The following PPP4R3B variants were observed in gnomAD, a reference collection of about 807,000 sequenced individuals.
PPP4R3B encodes protein phosphatase 4 regulatory subunit 3B, also known as serine/threonine-protein phosphatase 4 regulatory subunit 3B.
A neutral mutation model predicts 95.4 loss-of-function variants in PPP4R3B; 52 were observed. The observed-to-expected ratio is 0.54, with a 90% CI of 0.44 to 0.69. PPP4R3B has a LOEUF of 0.69. Ranked by LOEUF, PPP4R3B falls within the 30% of genes least tolerant of loss-of-function variation. The pLI, the probability that PPP4R3B is intolerant of heterozygous loss-of-function variation, is 0.00. For synonymous variants in PPP4R3B, 407 were observed against 343.9 expected (o/e 1.18, Z -2.03); for missense variants, 1,003 against 1,005.9 (o/e 1.00, Z 0.04).
At chr2:55,606,232 C>T (rs1386055379) in intron 2 of PPP4R3B, among the ~76,000 whole-genome samples, 1 of 152,024 alleles carries the variant, frequency 6.6e-6, no homozygotes, top group African/African-American at 2.4e-5. Flanking sequence ...CATTATAAAA[C>T]ACATGCTAAA....
intron 15 of PPP4R3B, 120 bp from the exon 16 acceptor site, chr2:55,559,088 C>T: frequency 1.3e-6 from 1 of 760,110 alleles, no homozygotes; most frequent in Non-Finnish European, 2.0e-6. Flanking sequence ...TGGCTCACGC[C>T]TGTAATCCCA....
At chr2:55,573,875 T>G (rs1405049498) in intron 11 of PPP4R3B, 98 bp from the exon 12 acceptor site, 10 of 605,902 alleles carry the variant, frequency 1.7e-5, no homozygotes, top group Non-Finnish European at 2.0e-5. Context: ...AAATCTAAAC[T>G]GTATTTCCTC....
At chr2:55,579,171 C>T (rs1010840193) in intron 9 of PPP4R3B, among the ~76,000 whole-genome samples, 2 of 151,678 alleles carry the variant, frequency 1.3e-5, no homozygotes, top group Non-Finnish European at 2.9e-5. Context: ...TTACGGGTGC[C>T]GATTACATAA....
chr2:55,608,240 G>C (rs780486595), intron 2 of PPP4R3B, among the ~76,000 whole-genome samples: 4 of 152,168 alleles, frequency 2.6e-5, no homozygotes, highest in Non-Finnish European at 4.4e-5. Flanking sequence ...CCCGACCTCA[G>C]GTGATCTGCC....
chr2:55,564,556 C>G (rs1484622979), intron 14 of PPP4R3B, 59 bp from the exon 15 acceptor site: 8 of 1,441,022 alleles, frequency 5.6e-6, no homozygotes, highest in East Asian at 4.8e-5. Flanking sequence ...TCAGATTGAA[C>G]TGAAGGAAAA....
intron 2 of PPP4R3B, among the ~76,000 whole-genome samples, chr2:55,610,366 AC>A (rs1693998796): frequency 6.6e-6 from 1 of 152,142 alleles, no homozygotes; most frequent in Admixed American, 6.5e-5. Flanking sequence ...CTACTCAAGA[AC>A]CTGTAATGTC....
intron 1 of PPP4R3B, 55 bp downstream of exon 1, chr2:55,617,089 A>G (rs1331535601): frequency 1.3e-6 from 2 of 1,532,170 alleles, no homozygotes; most frequent in East Asian, 4.6e-5. Context: ...CCTAAACCCA[A>G]GCTGTGCCCC....
chr2:55,607,786 G>A (rs1693625259), intron 2 of PPP4R3B, among the ~76,000 whole-genome samples: 1 of 152,092 alleles, frequency 6.6e-6, no homozygotes, highest in Non-Finnish European at 1.5e-5. Context: ...ACCATGCCTT[G>A]GTCCTTCTGG....
At chr2:55,578,490 G>A in intron 9 of PPP4R3B, 148 bp from the exon 10 acceptor site, 1 of 841,446 alleles carries the variant, frequency 1.2e-6, no homozygotes, top group Non-Finnish European at 1.6e-6. Context: ...TATATAAATG[G>A]AACCATTCTG....
chr2:55,570,544 C>A (rs1235084246), intron 12 of PPP4R3B, among the ~76,000 whole-genome samples: 1 of 152,116 alleles, frequency 6.6e-6, no homozygotes, highest in African/African-American at 2.4e-5. Flanking sequence ...AATTTCAATC[C>A]TTTATTTTTA....
rs1307227652 is a variant in PPP4R3B at position 55,547,929 on chromosome 2, G to A, written c.*1982C>T. 1 of 152,090 alleles carries A rather than the reference G, an allele frequency of 6.6e-6. No individual in the cohort carries two copies. The highest frequency in any genetic ancestry group is 1.5e-5 in the Non-Finnish European group (1 of 67,986). The allele number at this position is 152,090 out of a possible 1,614,324, so 9.4% of individuals were successfully genotyped here. ...CGAGACTCAAACAAACAAACAAAAA[G>A]TAACTAGGAAAGTGTTTTACATGTG... On this transcript the variant is annotated 3_prime_UTR_variant, in exon 17 of 17. Coordinates refer to ENST00000616407, the MANE Select transcript of PPP4R3B (RefSeq NM_001122964.3).
At chr2:55,588,851 CTTT>C (rs909905257) in intron 5 of PPP4R3B, 25 bp downstream of exon 5, 3 of 1,515,586 alleles carry the variant, frequency 2.0e-6, no homozygotes, top group Non-Finnish European at 2.7e-6. Flanking sequence ...AATAAGTGCT[CTTT>C]AAGAGTTTGA....
chr2:55,597,179 T>A lies in PPP4R3B; in HGVS notation c.921+1237A>T, dbSNP rs191226265. 2.8e-3 allele frequency among the ~76,000 whole-genome samples: 424 copies of A among 152,100 alleles called. 2 individuals carry two copies. Among genetic ancestry groups the A allele is most frequent in the Non-Finnish European group, 3.8e-3 (256 of 67,994 alleles). On this transcript the variant is annotated intron_variant, in intron 4 of 16. Transcript: ENST00000616407. ...TGCAAATATACTTAATGCCAATGAA[T>A]TGTACACTTAAAAATTGTTGAAACT...
intron 4 of PPP4R3B, chr2:55,591,594 C>A (rs1286966698): frequency 1.0e-6 from 1 of 983,280 alleles, no homozygotes; most frequent in Non-Finnish European, 1.2e-6. Context: ...TTAATTTTTT[C>A]AAAATATTTT....
At chr2:55,604,697 C>T (rs1693133026) in intron 2 of PPP4R3B, among the ~76,000 whole-genome samples, 1 of 151,968 alleles carries the variant, frequency 6.6e-6, no homozygotes. Flanking sequence ...CCTAGAATGT[C>T]TTCAATTATA....
Position 55,564,370 on chromosome 2 carries a change from G to C in PPP4R3B, c.2203C>G (p.Pro735Ala), listed in dbSNP as rs1474310917. Reference protein sequence around the residue: ...GKAVVAPVEKPKPEDDFPDNY... With the variant: ...GKAVVAPVEKAKPEDDFPDNY... Reference sequence around the variant, plus strand: ...TCTGGAAAATCATCTTCTGGCTTAGGTTTTTCCACTGGTGCCACAACTGCT... The same window carrying C: ...TCTGGAAAATCATCTTCTGGCTTAGCTTTTTCCACTGGTGCCACAACTGCT... The change falls in exon 15 of 17, where the codon CCT (proline) becomes GCT (alanine). Residue 735 changes from proline to alanine, a missense_variant. By Grantham distance (27) the Pro-to-Ala change is conservative. This residue lies in a region of PPP4R3B where 229 missense variants were observed against 194.7 expected (regional missense o/e 1.18). Coordinates refer to ENST00000616407, the MANE Select transcript of PPP4R3B (RefSeq NM_001122964.3). 3.1e-6 allele frequency: 5 copies of C among 1,613,574 alleles called. No individual in the cohort carries two copies. The highest frequency in any genetic ancestry group is 1.3e-5 in the African/African-American group (1 of 74,864).
intron 3 of PPP4R3B, among the ~76,000 whole-genome samples, chr2:55,603,457 T>C (rs1692932727): frequency 6.6e-6 from 1 of 152,188 alleles, no homozygotes; most frequent in Non-Finnish European, 1.5e-5. Context: ...GCATTATAGT[T>C]ATATTTTCTG....
chr2:55,611,814 G>A (rs1044560141), intron 2 of PPP4R3B, among the ~76,000 whole-genome samples: 3 of 151,578 alleles, frequency 2.0e-5, no homozygotes, highest in Non-Finnish European at 2.9e-5. Context: ...CTACAGTCTC[G>A]ACCTCCGAAG....
At chr2:55,601,170 TG>T (rs200084284) in intron 3 of PPP4R3B, among the ~76,000 whole-genome samples, 4,438 of 146,134 alleles carry the variant, frequency 0.03, 106 homozygotes, top group Non-Finnish European at 0.045. Flanking sequence ...AAAGCAGTGA[TG>T]CCTCAAGAAA....
Sources: allele counts gnomAD v4.1 joint callset (sites outside exome capture counted in the v4.1 genomes callset), GRCh38; gene constraint gnomAD v4.1.1; regional missense constraint gnomAD v4.1.1; transcripts MANE v1.5; gene names NCBI Gene and HGNC (gene_info 2026-07-23, HGNC 2026-07-21).